Variants in SGCD observed in about 807,000 individuals in gnomAD.
SGCD encodes delta-sarcoglycan.
A neutral mutation model predicts 36.6 loss-of-function variants in SGCD; 18 were observed. The observed-to-expected ratio is 0.49, with a 90% CI of 0.34 to 0.73. The LOEUF is 0.73. SGCD is among the 30% of genes least tolerant of loss of function. The pLI is 0.01. For synonymous variants in SGCD, 133 were observed against 130.6 expected (o/e 1.02, Z -0.12); for missense variants, 387 against 346.7 (o/e 1.12, Z -0.92).
chr5:155,945,838 G>A (rs1433154188), intron 1 of SGCD, among the ~76,000 whole-genome samples: 3 of 152,166 alleles, frequency 2.0e-5, no homozygotes, highest in Non-Finnish European at 4.4e-5. Context: ...AGGCAGGAGC[G>A]ACTTGTTGTG....
At chr5:156,290,748 T>C (rs1427099360) in intron 3 of SGCD, among the ~76,000 whole-genome samples, 1 of 152,090 alleles carries the variant, frequency 6.6e-6, no homozygotes, top group African/African-American at 2.4e-5. Flanking sequence ...TGATTTACCC[T>C]CTCTTTTTAA....
intron 4 of SGCD, among the ~76,000 whole-genome samples, chr5:156,576,143 C>T (rs1213548299): frequency 1.3e-5 from 2 of 151,112 alleles, no homozygotes; most frequent in South Asian, 2.1e-4. Context: ...TCTCCTTGTT[C>T]ATTTCCCACC....
intron 4 of SGCD, among the ~76,000 whole-genome samples, chr5:156,511,445 G>T (rs1277893843): frequency 6.6e-6 from 1 of 152,186 alleles, no homozygotes; most frequent in Admixed American, 6.5e-5. Context: ...AGCCAAAGTA[G>T]TCTTCAAAAT....
At chr5:156,162,219 T>A (rs1325116363) in intron 3 of SGCD, among the ~76,000 whole-genome samples, 1 of 151,512 alleles carries the variant, frequency 6.6e-6, no homozygotes, top group African/African-American at 2.4e-5. Context: ...CACAGATTCC[T>A]TCCTTCCATT....
intron 7 of SGCD, among the ~76,000 whole-genome samples, chr5:156,652,515 C>T (rs1763500544): frequency 6.7e-6 from 1 of 150,014 alleles, no homozygotes; most frequent in African/African-American, 2.5e-5. Flanking sequence ...CACATACACA[C>T]ACACATACAC....
chr5:156,622,431 TAAA>T (rs900614093), intron 6 of SGCD, among the ~76,000 whole-genome samples: 24 of 78,172 alleles, frequency 3.1e-4, no homozygotes, highest in Middle Eastern at 0.011. Context: ...AGACTCTGTC[TAAA>T]AAATAATAAT....
chr5:156,175,023 G>T (rs1035706588), intron 3 of SGCD, among the ~76,000 whole-genome samples: 2 of 152,150 alleles, frequency 1.3e-5, no homozygotes, highest in African/African-American at 4.8e-5. Flanking sequence ...AGATAAATGA[G>T]TCTAGGGAAA....
intron 4 of SGCD, among the ~76,000 whole-genome samples, chr5:156,568,595 T>G (rs1472786924): frequency 6.6e-6 from 1 of 152,196 alleles, no homozygotes; most frequent in Non-Finnish European, 1.5e-5. Flanking sequence ...TACAACAGAA[T>G]GGCATACTGT....
chr5:156,071,219 T>A (rs1435250483), intron 1 of SGCD, among the ~76,000 whole-genome samples: 2 of 152,230 alleles, frequency 1.3e-5, no homozygotes, highest in African/African-American at 4.8e-5. Flanking sequence ...TTAATTGTGA[T>A]GTTAGGGTGT....
chr5:156,551,405 C>T lies in SGCD; in HGVS notation c.295-37826C>T, dbSNP rs139950872. ...ATATGCACACTCTTTCTCCCAGAATCTTCTCCTATGATCATCCATATTCTC... is the reference window on the plus strand; with the variant it reads ...ATATGCACACTCTTTCTCCCAGAATTTTCTCCTATGATCATCCATATTCTC... On this transcript the variant is annotated intron_variant, in intron 4 of 8. Transcript: ENST00000337851. Among the ~76,000 whole-genome samples the T allele has an allele frequency of 4.8e-3, 735 of 152,274 alleles. 5 individuals are homozygous for T. The highest frequency in any genetic ancestry group is 8.7e-3 in the Admixed American group (133 of 15,292).
chr5:156,714,519 C>A (rs1755136945), intron 7 of SGCD, among the ~76,000 whole-genome samples: 2 of 152,092 alleles, frequency 1.3e-5, no homozygotes, highest in South Asian at 4.1e-4. Context: ...TAAACAGAAA[C>A]ACACATAAAA....
chr5:156,376,890 C>T (rs886151599), intron 3 of SGCD, among the ~76,000 whole-genome samples: 1 of 151,860 alleles, frequency 6.6e-6, no homozygotes, highest in Non-Finnish European at 1.5e-5. Context: ...GTGGTGAAAA[C>T]AGGAAGTTTG....
chr5:156,249,825 TC>T (rs1765532637), intron 3 of SGCD, among the ~76,000 whole-genome samples: 1 of 152,202 alleles, frequency 6.6e-6, no homozygotes, highest in Non-Finnish European at 1.5e-5. Flanking sequence ...TTCTAAATTC[TC>T]TAAACAGCAT....
At chr5:156,081,328 G>A (rs1760946361) in intron 1 of SGCD, among the ~76,000 whole-genome samples, 2 of 152,084 alleles carry the variant, frequency 1.3e-5, no homozygotes, top group Admixed American at 6.6e-5. Context: ...TCCCACCAGG[G>A]CCCACCTCCA....
intron 3 of SGCD, among the ~76,000 whole-genome samples, chr5:156,396,905 A>G (rs956153095): frequency 2.0e-5 from 3 of 152,260 alleles, no homozygotes; most frequent in African/African-American, 4.8e-5. Flanking sequence ...GCTAGGGCTC[A>G]GTCCCAGTAC....
intron 4 of SGCD, among the ~76,000 whole-genome samples, chr5:156,537,289 T>G (rs1324422961): frequency 6.6e-6 from 1 of 152,108 alleles, no homozygotes; most frequent in African/African-American, 2.4e-5. Flanking sequence ...CCTGACAAAC[T>G]TTGGGAGTCT....
At chr5:155,760,210 A>T in the SGCD span, among the ~76,000 whole-genome samples, 39 of 112,158 alleles carry the variant, frequency 3.5e-4, no homozygotes, top group Middle Eastern at 7.4e-3. Flanking sequence ...ATCCTCACCA[A>T]CACCCTCTCC....
intron 1 of SGCD, among the ~76,000 whole-genome samples, chr5:155,921,491 T>TG (rs1020466523): frequency 1.3e-4 from 20 of 151,642 alleles, no homozygotes; most frequent in South Asian, 4.2e-4. Context: ...TAAGTGCTGA[T>TG]GGGGGGTAGC....
At chr5:156,504,329 C>T (rs904173852) in intron 3 of SGCD, among the ~76,000 whole-genome samples, 1 of 149,610 alleles carries the variant, frequency 6.7e-6, no homozygotes, top group African/African-American at 2.5e-5. Context: ...TAGAATTTTT[C>T]TCCAATAAAA....
Sources: allele counts gnomAD v4.1 joint callset (sites outside exome capture counted in the v4.1 genomes callset), GRCh38; gene constraint gnomAD v4.1.1; transcripts MANE v1.5; gene names NCBI Gene and HGNC (gene_info 2026-07-23, HGNC 2026-07-21).